Variants in PLOD1 observed in about 807,000 individuals in gnomAD.
PLOD1 encodes procollagen-lysine,2-oxoglutarate 5-dioxygenase 1.
In PLOD1, 70 loss-of-function variants were observed where a neutral mutation model predicts 94.7. That is an observed-to-expected ratio of 0.74 (90% CI 0.61 to 0.90). The LOEUF is 0.90. Ranked by LOEUF, PLOD1 falls within the 40% of genes least tolerant of loss-of-function variation. The probability of loss-of-function intolerance (pLI) is 0.00; values close to 1 mark genes in which losing one functional copy is unlikely to be tolerated. For synonymous variants in PLOD1, 417 were observed against 400.2 expected (o/e 1.04, Z -0.50); for missense variants, 905 against 972.7 (o/e 0.93, Z 0.93).
At chr1:11,948,151 CTCTT>C (rs1213110063) in intron 2 of PLOD1, 84 bp downstream of exon 2, 1 of 949,696 alleles carries the variant, frequency 1.1e-6, no homozygotes, top group African/African-American at 1.6e-5. Flanking sequence ...ACTACCACGT[CTCTT>C]AAGATAGACT....
intron 1 of PLOD1, 52 bp from the exon 2 acceptor site, chr1:11,947,924 G>A: frequency 8.4e-7 from 1 of 1,195,844 alleles, no homozygotes; most frequent in Middle Eastern, 1.9e-4. Flanking sequence ...CCTCCTCCCT[G>A]TCACCTCCCT....
At chr1:11,956,762 A>G (rs941954406) in intron 6 of PLOD1, among the ~76,000 whole-genome samples, 155 bp from the exon 7 acceptor site, 4 of 152,070 alleles carry the variant, frequency 2.6e-5, no homozygotes, top group Non-Finnish European at 2.9e-5. Context: ...GATTATTCCT[A>G]TTTTATAGAT....
intron 10 of PLOD1, 40 bp downstream of exon 10, chr1:11,960,807 G>T (rs745814613): frequency 6.2e-7 from 1 of 1,610,024 alleles, no homozygotes; most frequent in Non-Finnish European, 8.5e-7. Flanking sequence ...GACAGTGGGG[G>T]CAGGGGAGCT....
chr1:11,956,899 G>A lies in PLOD1; in HGVS notation c.644-18G>A, dbSNP rs749794366. On this transcript the variant is annotated intron_variant, in intron 6 of 18. Transcript: ENST00000196061. ...TCTGGGTCTGATGCTGGGTGGGACT[G>A]TGCTTTCTGACCCCCAGATGAGGTC... The A allele has an allele frequency of 2.5e-6, 4 of 1,577,880 alleles. No individual in the cohort carries two copies. Among genetic ancestry groups the A allele is most frequent in the East Asian group, 2.2e-5 (1 of 44,696 alleles).
chr1:11,951,972 T>G (rs889996547), intron 4 of PLOD1, among the ~76,000 whole-genome samples: 1 of 152,202 alleles, frequency 6.6e-6, no homozygotes, highest in African/African-American at 2.4e-5. Flanking sequence ...TTAATGACTT[T>G]CCACTGCACG....
intron 17 of PLOD1, among the ~76,000 whole-genome samples, chr1:11,971,224 T>A (rs1306286712): frequency 4.9e-5 from 1 of 20,342 alleles, no homozygotes; most frequent in Non-Finnish European, 9.3e-5. Flanking sequence ...TAGGGTGGAG[T>A]GGGGGGCTTG....
chr1:11,947,123 G>T (rs1405501606), intron 1 of PLOD1, among the ~76,000 whole-genome samples: 1 of 151,982 alleles, frequency 6.6e-6, no homozygotes, highest in Admixed American at 6.6e-5. Context: ...ACAAAAATTA[G>T]CTGGGCATGG....
chr1:11,942,632 GTC>G (rs1645622584), intron 1 of PLOD1, among the ~76,000 whole-genome samples: 2 of 152,206 alleles, frequency 1.3e-5, no homozygotes, highest in African/African-American at 4.8e-5. Context: ...TCATGCCAGG[GTC>G]TCTTGTTGGA....
At position 11,958,591 on chromosome 1, in the gene PLOD1, C is replaced by G. The variant is rs370736543; in HGVS notation, c.919C>G (p.Arg307Gly). The G allele has an allele frequency of 1.3e-5, 21 of 1,614,004 alleles. No homozygotes were observed. In the South Asian group the frequency reaches 2.0e-4, roughly 15 times the overall value. ...GCCGTTTGTGTCCCTGTTCTTCCAGCGGCTCCTGCGGCTCCACTACCCCCA... is the reference window on the plus strand; with the variant it reads ...GCCGTTTGTGTCCCTGTTCTTCCAGGGGCTCCTGCGGCTCCACTACCCCCA... The part of the protein sequence containing the change: ...PTPFVSLFFQ[R>G]LLRLHYPQKH... The change falls in exon 9 of 19, where the codon CGG becomes GGG. Residue 307 changes from arginine (R) to glycine (G), a missense_variant. Coordinates refer to ENST00000196061, the MANE Select transcript of PLOD1 (RefSeq NM_000302.4). This position sits in a 1 kb window ranked among gnomAD's most constrained non-coding sequence, Gnocchi z 4.3.
intron 15 of PLOD1, among the ~76,000 whole-genome samples, chr1:11,966,687 G>A (rs892570110): frequency 3.9e-5 from 6 of 152,100 alleles, no homozygotes; most frequent in African/African-American, 1.4e-4. Flanking sequence ...TTCGGGGAGT[G>A]GCTGCTTCTC....
chr1:11,973,501 A>G lies in PLOD1; in HGVS notation c.2028+504A>G, dbSNP rs140538195. Among the ~76,000 whole-genome samples, 50 of 151,984 alleles carry G rather than the reference A, an allele frequency of 3.3e-4. No individual in the cohort carries two copies. The East Asian group carries it at 9.3e-3, about 28-fold the overall frequency. ...GGCAACAGAGCGAGACTCTGTCTCC[A>G]AAAAAAACAAAAAGAGGTTTTTTGA... On this transcript the variant is annotated intron_variant, in intron 18 of 18. Coordinates refer to ENST00000196061, the MANE Select transcript of PLOD1 (RefSeq NM_000302.4).
intron 1 of PLOD1, chr1:11,944,783 C>T: frequency 1.5e-6 from 1 of 679,138 alleles, no homozygotes; most frequent in South Asian, 1.9e-5. Flanking sequence ...GCCCTGGGGC[C>T]AGCTCCCTGC....
At chr1:11,960,788 C>A (rs1261605161) in intron 10 of PLOD1, 21 bp downstream of exon 10, 28 of 1,611,942 alleles carry the variant, frequency 1.7e-5, no homozygotes, top group Non-Finnish European at 2.4e-5. Context: ...GGCCACAGTA[C>A]TCTCCACTGA....
chr1:11,963,521 C>T lies in PLOD1; in HGVS notation c.1098-11C>T. 6.4e-7 allele frequency: 1 copy of T among 1,570,766 alleles called. No individual in the cohort carries two copies. The highest frequency in any genetic ancestry group is 1.2e-5 in the South Asian group (1 of 86,396). On this transcript the variant is annotated splice_polypyrimidine_tract_variant and intron_variant, in intron 10 of 18. Coordinates refer to ENST00000196061, the MANE Select transcript of PLOD1 (RefSeq NM_000302.4). This position sits in a 1 kb window ranked among gnomAD's most constrained non-coding sequence, Gnocchi z 4.3. ...ATCAGGTGCACTGACCCTGTGTCCT[C>T]CTCCTTGCAGAGACCTGTGCCGGCA...
Position 11,963,464 on chromosome 1 carries a change from C to A in PLOD1, c.1098-68C>A. On this transcript the variant is annotated intron_variant, in intron 10 of 18. Transcript: ENST00000196061. This position sits in a 1 kb window ranked among gnomAD's most constrained non-coding sequence, Gnocchi z 4.3. ...ATATGTGGTGAAGCCAGACTGTGGT[C>A]ACAGATGTGAGCAGCCACCAGTAGC... is the stretch of plus-strand genomic sequence containing the variant. 1 of 1,030,040 alleles carries A rather than the reference C, an allele frequency of 9.7e-7. No homozygotes were observed. Among genetic ancestry groups the A allele is most frequent in the South Asian group, 1.4e-5 (1 of 73,790 alleles). 63.8% of individuals were successfully genotyped at this position (1,030,040 alleles called of 1,614,324 possible). A position where few individuals can be genotyped will look rare whatever the true frequency, so the allele number is the denominator to read the frequency against.
chr1:11,966,898 T>C, intron 15 of PLOD1, 89 bp from the exon 16 acceptor site: 1 of 846,966 alleles, frequency 1.2e-6, no homozygotes, highest in Non-Finnish European at 2.1e-6. Flanking sequence ...CTGGGAGGGC[T>C]CCCTGGCTTG....
At chr1:11,955,428 T>C (rs1645731510) in intron 6 of PLOD1, among the ~76,000 whole-genome samples, 1 of 150,912 alleles carries the variant, frequency 6.6e-6, no homozygotes, top group Non-Finnish European at 1.5e-5. Flanking sequence ...GACTCAGTTT[T>C]CTTATCTTTA....
In PLOD1 at chr1:11,944,642, G is replaced by C. The variant is rs568319180; in HGVS notation, c.77-3334G>C. On this transcript the variant is annotated intron_variant, in intron 1 of 18. Transcript: ENST00000196061. ...TCCCCAAGTGTGAGCAGCATCCCTC[G>C]TTTCTGGATCCCAGGTTCAGGTAGT... 4 of 1,359,834 alleles carry C rather than the reference G, an allele frequency of 2.9e-6. 1 individual carries two copies. The highest frequency in any genetic ancestry group is 2.3e-5 in the South Asian group (2 of 87,550). The allele number at this position is 1,359,834 out of a possible 1,614,324, so 84.2% of individuals were successfully genotyped here. A position where few individuals can be genotyped will look rare whatever the true frequency, so the allele number is the denominator to read the frequency against.
chr1:11,957,924 G>A lies in PLOD1; in HGVS notation c.824G>A (p.Arg275His), dbSNP rs184999645. Reference sequence around the variant, plus strand: ...TGCACCGTGTGTGACGAAGGCTTGCGCAGCCTCAAGGGCATTGGGGTGAGG... The same window carrying A: ...TGCACCGTGTGTGACGAAGGCTTGCACAGCCTCAAGGGCATTGGGGTGAGG... ...TGCTVCDEGLRSLKGIGDEAL... is the reference protein window; with the variant it reads ...TGCTVCDEGLHSLKGIGDEAL... Residue 275 changes from arginine (R) to histidine (H), a missense_variant, in exon 8 of 19, where the codon CGC becomes CAC. Coordinates refer to ENST00000196061, the MANE Select transcript of PLOD1 (RefSeq NM_000302.4). The surrounding 1 kb of genome is among the most constrained non-coding windows in gnomAD (Gnocchi z 4.1). 22 of 1,612,734 alleles carry A rather than the reference G, an allele frequency of 1.4e-5. No individual in the cohort carries two copies. The highest frequency in any genetic ancestry group is 1.2e-4 in the South Asian group (11 of 91,064).
Sources: allele counts gnomAD v4.1 joint callset (sites outside exome capture counted in the v4.1 genomes callset), GRCh38; gene constraint gnomAD v4.1.1; non-coding constraint Gnocchi (gnomAD v3.1); transcripts MANE v1.5; gene names NCBI Gene and HGNC (gene_info 2026-07-23, HGNC 2026-07-21).